The following DMTN variants were observed in gnomAD, a reference collection of about 807,000 sequenced individuals.
DMTN encodes dematin.
A neutral mutation model predicts 59.4 loss-of-function variants in DMTN; 27 were observed. That is an observed-to-expected ratio of 0.45 (90% CI 0.33 to 0.63). The LOEUF (loss-of-function observed/expected upper bound fraction) is 0.63. Among genes scored for constraint, DMTN ranks in the 20% least tolerant of loss-of-function variants. The pLI is 0.02. For synonymous variants in DMTN, 221 were observed against 203.7 expected (o/e 1.08, Z -0.72); for missense variants, 451 against 528.9 (o/e 0.85, Z 1.45).
chr8:22,058,743 A>C lies in DMTN; in HGVS notation c.-172+1607A>C, dbSNP rs1328046567. On this transcript the variant is annotated intron_variant, in intron 1 of 15. Transcript: ENST00000358242. The surrounding 1 kb of genome is among the most constrained non-coding windows in gnomAD (Gnocchi z 4.3). Reference sequence around the variant, plus strand: ...GGGGAACCCTCATCCCAGCAGACACAACGGTAAAAAACATTGGAGTAGGGG... The same window carrying C: ...GGGGAACCCTCATCCCAGCAGACACCACGGTAAAAAACATTGGAGTAGGGG... Among the ~76,000 whole-genome samples the C allele has an allele frequency of 6.6e-6, 1 of 152,168 alleles. No homozygotes were observed. Among genetic ancestry groups the C allele is most frequent in the Non-Finnish European group, 1.5e-5 (1 of 68,026 alleles).
upstream of DMTN, among the ~76,000 whole-genome samples, chr8:22,049,577 C>T (rs1243643907): frequency 6.6e-6 from 1 of 150,380 alleles, no homozygotes; most frequent in South Asian, 2.2e-4. Flanking sequence ...CAACCCCCCC[C>T]CCCCGCCACC....
chr8:22,061,965 C>G (rs1384714636), intron 1 of DMTN, among the ~76,000 whole-genome samples: 1 of 151,900 alleles, frequency 6.6e-6, no homozygotes, highest in Non-Finnish European at 1.5e-5. Context: ...CTATATTTCC[C>G]AGGCAGACCT....
At position 22,061,749 on chromosome 8, in the gene DMTN, A is replaced by ATTTTTT. The variant is rs1175743497; in HGVS notation, c.-172+4629_-172+4634dup. 6.9e-3 allele frequency among the ~76,000 whole-genome samples: 828 copies of ATTTTTT among 119,666 alleles called. 13 individuals carry two copies. The highest frequency in any genetic ancestry group is 0.022 in the African/African-American group (625 of 29,036). 78.5% of individuals were successfully genotyped at this position (119,666 alleles called of 152,430 possible). The stretch of plus-strand genomic sequence containing the variant: ...AGATCTGCAGAGAACCTTAATTCTC[A>ATTTTTT]TTTTTTTTTTTTTTTTTTTTTGGAG... On this transcript the variant is annotated intron_variant, in intron 1 of 15. Transcript: ENST00000358242.
At chr8:22,051,385 C>A (rs528243817), upstream of DMTN, among the ~76,000 whole-genome samples, 1 of 152,212 alleles carries the variant, frequency 6.6e-6, no homozygotes, top group Non-Finnish European at 1.5e-5. Context: ...TTAGGCCACA[C>A]AAACTGGTTC....
chr8:22,058,171 G>A lies in DMTN; in HGVS notation c.-172+1035G>A, dbSNP rs954198082. Among the ~76,000 whole-genome samples the A allele has an allele frequency of 6.6e-6, 1 of 152,164 alleles. No homozygotes were observed. The highest frequency in any genetic ancestry group is 1.5e-5 in the Non-Finnish European group (1 of 68,014). ...GCATGCGTCCTGCAACGGTTTCAGC[G>A]CGGGCGCTTCTGCCTGTGCCCACCT... is the stretch of plus-strand genomic sequence containing the variant. On this transcript the variant is annotated intron_variant, in intron 1 of 15. Transcript: ENST00000358242. This position sits in a 1 kb window ranked among gnomAD's most constrained non-coding sequence, Gnocchi z 4.3.
chr8:22,078,704 G>A (rs181303649), intron 10 of DMTN, among the ~76,000 whole-genome samples: 1 of 151,674 alleles, frequency 6.6e-6, no homozygotes, highest in Admixed American at 6.6e-5. Context: ...TGAGACTGAG[G>A]TCCAGTAATG....
At chr8:22,077,696 G>A (rs545093604) in intron 10 of DMTN, among the ~76,000 whole-genome samples, 28 of 152,254 alleles carry the variant, frequency 1.8e-4, no homozygotes, top group Admixed American at 1.2e-3. Context: ...CATCTTTGGC[G>A]TCCCTGAACT....
In DMTN at chr8:22,081,627, C is replaced by T; in HGVS notation, c.*164C>T. Reference sequence around the variant, plus strand: ...GCAGTCCCCGGCAGTGAGCTATGGACTTTCTTCCCCCTCACAAGGCTGGGG... The same window carrying T: ...GCAGTCCCCGGCAGTGAGCTATGGATTTTCTTCCCCCTCACAAGGCTGGGG... On this transcript the variant is annotated 3_prime_UTR_variant, in exon 16 of 16. Transcript: ENST00000358242. 1.6e-6 allele frequency: 1 copy of T among 637,634 alleles called. No individual in the cohort carries two copies. Among genetic ancestry groups the T allele is most frequent in the Admixed American group, 2.6e-5 (1 of 38,194 alleles). The allele number at this position is 637,634 out of a possible 1,614,324, so 39.5% of individuals were successfully genotyped here. A position where few individuals can be genotyped will look rare whatever the true frequency, so the allele number is the denominator to read the frequency against.
At chr8:22,052,866 G>T (rs1801491661), upstream of DMTN, among the ~76,000 whole-genome samples, 1 of 152,108 alleles carries the variant, frequency 6.6e-6, no homozygotes, top group Admixed American at 6.5e-5. Flanking sequence ...ACTCAGAAAT[G>T]CCAGGCCATT....
chr8:22,081,062 G>C, intron 14 of DMTN, 51 bp from the exon 15 acceptor site: 1 of 1,582,882 alleles, frequency 6.3e-7, no homozygotes, highest in East Asian at 2.2e-5. Flanking sequence ...CTAGGGAGTC[G>C]AAGGACAGGA....
intron 1 of DMTN, among the ~76,000 whole-genome samples, chr8:22,061,926 CA>C (rs1806856184): frequency 6.7e-6 from 1 of 150,168 alleles, no homozygotes; most frequent in Admixed American, 6.6e-5. Flanking sequence ...GATAATTCTT[CA>C]TTTTTTAAAA....
intron 10 of DMTN, 150 bp downstream of exon 10, chr8:22,073,985 T>C (rs1817826175): frequency 1.6e-6 from 1 of 623,996 alleles, no homozygotes; most frequent in African/African-American, 1.8e-5. Flanking sequence ...CATGGAACAA[T>C]GTCAGATGAT....
upstream of DMTN, among the ~76,000 whole-genome samples, chr8:22,056,264 A>C (rs1802515594): frequency 6.6e-6 from 1 of 152,108 alleles, no homozygotes; most frequent in South Asian, 2.1e-4. Context: ...GGCCAGCTCA[A>C]GTCTCAGTAC....
chr8:22,065,782 C>T (rs1476718637), intron 1 of DMTN, among the ~76,000 whole-genome samples: 2 of 149,976 alleles, frequency 1.3e-5, no homozygotes, highest in African/African-American at 4.9e-5. Context: ...TTGCAGTGAA[C>T]CGAGATGGCA....
intron 1 of DMTN, among the ~76,000 whole-genome samples, chr8:22,061,303 A>C: frequency 6.6e-6 from 1 of 151,256 alleles, no homozygotes. Flanking sequence ...AAAAAAAGAA[A>C]GAAAGAAAGA....
intron 7 of DMTN, 94 bp downstream of exon 7, chr8:22,070,031 G>A: frequency 6.4e-7 from 1 of 1,574,748 alleles, no homozygotes; most frequent in South Asian, 1.1e-5. Context: ...GGGTCGGGAG[G>A]ATAGCATGTC....
chr8:22,064,559 T>C lies in DMTN; in HGVS notation c.-171-2146T>C, dbSNP rs113927878. Among the ~76,000 whole-genome samples, 1,070 of 152,174 alleles carry C rather than the reference T, an allele frequency of 7.0e-3. 6 individuals are homozygous for C. The highest frequency in any genetic ancestry group is 0.012 in the Non-Finnish European group (796 of 68,012). Reference sequence around the variant, plus strand: ...CTGCAAGCTCCGCCTCCTGGGTTCATGCCATTCTCCTACCTCAGCCTCCTG... The same window carrying C: ...CTGCAAGCTCCGCCTCCTGGGTTCACGCCATTCTCCTACCTCAGCCTCCTG... On this transcript the variant is annotated intron_variant, in intron 1 of 15. Transcript: ENST00000358242.
chr8:22,049,178 C>G (rs1271739755), upstream of DMTN: 3 of 149,250 alleles, frequency 2.0e-5, no homozygotes, highest in Non-Finnish European at 3.0e-5. Context: ...CCGGGCGGCC[C>G]GCGGACGCCA....
chr8:22,060,413 GCTCTCT>G lies in DMTN; in HGVS notation c.-172+3291_-172+3296del, dbSNP rs3063991. ...CTCTCTCTTTCTCTCTTTCTGTCTC[GCTCTCT>G]CTCTCTCTCTCTCCCCCTCACACAT... On this transcript the variant is annotated intron_variant, in intron 1 of 15. Coordinates refer to ENST00000358242, the MANE Select transcript of DMTN (RefSeq NM_001387751.1). This position sits in a 1 kb window ranked among gnomAD's most constrained non-coding sequence, Gnocchi z 5.0. 1.4e-5 allele frequency among the ~76,000 whole-genome samples: 2 copies of G among 147,522 alleles called. No individual in the cohort carries two copies. The highest frequency in any genetic ancestry group is 3.0e-5 in the Non-Finnish European group (2 of 66,986).
Sources: gnomAD v4.1 joint callset for allele counts (sites outside exome capture counted in the v4.1 genomes callset) on GRCh38, gnomAD v4.1.1 for gene constraint, Gnocchi (gnomAD v3.1) non-coding constraint, MANE v1.5 for transcripts, NCBI Gene and HGNC (gene_info 2026-07-23, HGNC 2026-07-21) for gene names.